The following ST14 variants were observed in gnomAD, a reference collection of about 807,000 sequenced individuals.
ST14 encodes the protein ST14 transmembrane serine protease matriptase.
In ST14, 40 loss-of-function variants were observed where a neutral mutation model predicts 96.5. The observed-to-expected ratio is 0.41, with a 90% CI of 0.32 to 0.54. The LOEUF (loss-of-function observed/expected upper bound fraction) is 0.54. Among genes scored for constraint, ST14 ranks in the 20% least tolerant of loss-of-function variants. The pLI, the probability that ST14 is intolerant of heterozygous loss-of-function variation, is 0.17. For synonymous variants in ST14, 506 were observed against 492.1 expected, an observed-to-expected ratio of 1.03 and a Z score of -0.37; for missense variants, 1,066 against 1,188.9, an observed-to-expected ratio of 0.90 and a Z score of 1.52.
chr11:130,195,765 G>A (rs1169610126), intron 9 of ST14, among the ~76,000 whole-genome samples: 3 of 151,524 alleles, frequency 2.0e-5, no homozygotes, highest in Admixed American at 1.3e-4. Flanking sequence ...AGGCAGGAAA[G>A]TAGCTTGAAC....
At position 130,175,540 on chromosome 11, in the gene ST14, C is replaced by T. The variant is rs528766928; in HGVS notation, c.82-12574C>T. ...GATTACAGGCATGTGCCACCATGCC[C>T]GGCTAATTTTTTGTATTTTTAGTAG... On this transcript the variant is annotated intron_variant, in intron 1 of 18. Coordinates refer to ENST00000278742, the MANE Select transcript of ST14 (RefSeq NM_021978.4). 4.6e-5 allele frequency among the ~76,000 whole-genome samples: 7 copies of T among 151,826 alleles called. No individual in the cohort carries two copies. In the East Asian group the frequency reaches 7.8e-4, roughly 17 times the overall value.
intron 11 of ST14, among the ~76,000 whole-genome samples, chr11:130,197,153 G>T (rs1481462401): frequency 6.6e-6 from 1 of 152,296 alleles, no homozygotes; most frequent in South Asian, 2.1e-4. Context: ...TCAACCCTGC[G>T]TCATAGAATA....
intron 1 of ST14, among the ~76,000 whole-genome samples, chr11:130,184,691 G>T (rs1484389645): frequency 6.6e-6 from 1 of 152,136 alleles, no homozygotes; most frequent in Non-Finnish European, 1.5e-5. Flanking sequence ...AAAGACAAAG[G>T]CCCCAGCAGA....
At position 130,181,067 on chromosome 11, in the gene ST14, G is replaced by A. The variant is rs1953187355; in HGVS notation, c.82-7047G>A. The stretch of plus-strand genomic sequence containing the variant: ...GCAGTGGTCCCTCTTGGGTGAGATG[G>A]TGGTGGTCTGATCTTGTCCCTGCTG... On this transcript the variant is annotated intron_variant, in intron 1 of 18. Coordinates refer to ENST00000278742, the MANE Select transcript of ST14 (RefSeq NM_021978.4). The surrounding 1 kb of genome is among the most constrained non-coding windows in gnomAD (Gnocchi z 4.1). Among the ~76,000 whole-genome samples, 1 of 151,970 alleles carries A rather than the reference G, an allele frequency of 6.6e-6. No homozygotes were observed. Among genetic ancestry groups the A allele is most frequent in the South Asian group, 2.1e-4 (1 of 4,812 alleles).
chr11:130,183,677 A>G (rs1953214089), intron 1 of ST14, among the ~76,000 whole-genome samples: 1 of 152,226 alleles, frequency 6.6e-6, no homozygotes, highest in South Asian at 2.1e-4. Flanking sequence ...TTCTCCCAGC[A>G]GTATTTTACA....
intron 9 of ST14, 112 bp downstream of exon 9, chr11:130,194,849 T>TGC: frequency 1.1e-6 from 1 of 892,012 alleles, no homozygotes; most frequent in South Asian, 1.4e-5. Flanking sequence ...TGCATATGTG[T>TGC]GCATGTGTGT....
intron 16 of ST14, among the ~76,000 whole-genome samples, chr11:130,206,013 A>T (rs1346220079): frequency 6.6e-6 from 1 of 152,100 alleles, no homozygotes; most frequent in Non-Finnish European, 1.5e-5. Flanking sequence ...GGAGCTTTTT[A>T]AAAAAAGTCC....
intron 1 of ST14, among the ~76,000 whole-genome samples, chr11:130,184,962 CT>C (rs1365565099): frequency 6.6e-6 from 1 of 152,172 alleles, no homozygotes; most frequent in African/African-American, 2.4e-5. Context: ...GAAAAAAAAT[CT>C]GTTTAGCCAC....
intron 1 of ST14, among the ~76,000 whole-genome samples, chr11:130,167,793 C>A (rs1953055396): frequency 6.6e-6 from 1 of 152,106 alleles, no homozygotes; most frequent in Non-Finnish European, 1.5e-5. Flanking sequence ...CGGCTCACTG[C>A]AACCTCTGCC....
chr11:130,197,850 G>A lies in ST14; in HGVS notation c.1364G>A (p.Gly455Glu), dbSNP rs1953383876. Residue 455 changes from glycine (G) to glutamate (E), a missense_variant, in exon 12 of 19, where the codon GGG becomes GAG. By Grantham distance (98) the Gly-to-Glu change is moderately conservative (BLOSUM62 -2). Transcript: ENST00000278742. ...CTGCCTGTGCCCGCAGCATGCCCGG[G>A]GCAGTTCACGTGCCGCACGGGGCGG... ...LSYDSSDPCP[G>E]QFTCRTGRCI... is the part of the protein sequence containing the mutation. The A allele has an allele frequency of 1.3e-6, 2 of 1,578,498 alleles. No individual in the cohort carries two copies. Among genetic ancestry groups the A allele is most frequent in the South Asian group, 1.1e-5 (1 of 87,102 alleles).
chr11:130,190,249 G>A lies in ST14; in HGVS notation c.634+101G>A, dbSNP rs1591887856. ...TCCCCAGAAGCATGTCCCTCTGAAT[G>A]AAGTATATTATGACGATCTTTCCAG... On this transcript the variant is annotated intron_variant, in intron 6 of 18. Transcript: ENST00000278742. The A allele has an allele frequency of 5.2e-6, 8 of 1,525,220 alleles. No homozygotes were observed. In the South Asian group the frequency reaches 9.0e-5, roughly 17 times the overall value. The allele number at this position is 1,525,220 out of a possible 1,614,324, so 94.5% of individuals were successfully genotyped here. A position where few individuals can be genotyped will look rare whatever the true frequency, so the allele number is the denominator to read the frequency against.
In ST14 at chr11:130,188,384, T is replaced by C; in HGVS notation, c.241+111T>C. ...CTGAGTACACGAGGATCTCTTGGCC[T>C]CTCTGGAACCCTGATGGGGAGTGAT... On this transcript the variant is annotated intron_variant, in intron 2 of 18. Transcript: ENST00000278742. The surrounding 1 kb of genome is among the most constrained non-coding windows in gnomAD (Gnocchi z 5.4). The C allele has an allele frequency of 1.3e-6, 2 of 1,582,100 alleles. No homozygotes were observed. The highest frequency in any genetic ancestry group is 1.7e-6 in the Non-Finnish European group (2 of 1,161,180).
intron 1 of ST14, among the ~76,000 whole-genome samples, chr11:130,160,269 G>C (rs1312147240): frequency 6.6e-6 from 1 of 150,992 alleles, no homozygotes; most frequent in Non-Finnish European, 1.5e-5. Flanking sequence ...GCCCCGCCAG[G>C]GGGAGGCGGG....
intron 7 of ST14, among the ~76,000 whole-genome samples, chr11:130,191,940 T>G (rs1953307585): frequency 6.6e-6 from 1 of 152,190 alleles, no homozygotes; most frequent in East Asian, 1.9e-4. Flanking sequence ...GAAGGTTTGC[T>G]TGCAGGTGAG....
intron 7 of ST14, among the ~76,000 whole-genome samples, chr11:130,193,211 C>T (rs947724668): frequency 9.9e-5 from 15 of 151,808 alleles, no homozygotes; most frequent in African/African-American, 2.7e-4. Flanking sequence ...GGCCTTGCCC[C>T]GGAGTAGCTG....
chr11:130,198,238 C>A, intron 12 of ST14, 70 bp from the exon 13 acceptor site: 7 of 1,432,906 alleles, frequency 4.9e-6, no homozygotes, highest in East Asian at 4.5e-5. Context: ...TAGCTCTGAT[C>A]GCCTGGGCAT....
chr11:130,204,279 G>T (rs1046702006), intron 16 of ST14, among the ~76,000 whole-genome samples: 2 of 152,230 alleles, frequency 1.3e-5, no homozygotes, highest in African/African-American at 4.8e-5. Flanking sequence ...CTGTTAGAAA[G>T]GTCAGGTCGA....
chr11:130,194,802 C>A, intron 9 of ST14, 65 bp downstream of exon 9: 1 of 1,540,044 alleles, frequency 6.5e-7, no homozygotes, highest in Non-Finnish European at 8.9e-7. Context: ...GTGTGTGTCT[C>A]CCTGTGCAGA....
chr11:130,188,400 G>T lies in ST14; in HGVS notation c.241+127G>T. On this transcript the variant is annotated intron_variant, in intron 2 of 18. Transcript: ENST00000278742. The surrounding 1 kb of genome is among the most constrained non-coding windows in gnomAD (Gnocchi z 5.4). ...CTCTTGGCCTCTCTGGAACCCTGAT[G>T]GGGAGTGATGGGAAGCAGTCAGGGC... The T allele has an allele frequency of 6.3e-7, 1 of 1,585,498 alleles. No individual in the cohort carries two copies. The highest frequency in any genetic ancestry group is 1.1e-5 in the South Asian group (1 of 88,826).
Sources: allele counts gnomAD v4.1 joint callset (sites outside exome capture counted in the v4.1 genomes callset), GRCh38; gene constraint gnomAD v4.1.1; non-coding constraint Gnocchi (gnomAD v3.1); transcripts MANE v1.5; gene names NCBI Gene and HGNC (gene_info 2026-07-23, HGNC 2026-07-21).